KAT6A: variants seen among roughly 807,000 people sequenced by gnomAD.
The protein encoded by KAT6A is lysine acetyltransferase 6A.
A neutral mutation model predicts 198.4 loss-of-function variants in KAT6A; 9 were observed. The ratio of observed to expected loss-of-function variants is 0.05; its 90% CI spans 0.03 to 0.08. The LOEUF is 0.08. Ranked by LOEUF, KAT6A falls within the 10% of genes least tolerant of loss-of-function variation. The pLI is 1.00. For missense variants in KAT6A, 2,077 were observed against 2,509.9 expected (o/e 0.83, Z 3.69); for synonymous variants, 890 against 883.0 (o/e 1.01, Z -0.14).
At chr8:41,960,179 GT>G (rs913812974) in intron 8 of KAT6A, among the ~76,000 whole-genome samples, 1 of 152,092 alleles carries the variant, frequency 6.6e-6, no homozygotes, top group African/African-American at 2.4e-5. Context: ...TGTTTAATGG[GT>G]ACAGAGTTCC....
intron 2 of KAT6A, among the ~76,000 whole-genome samples, chr8:42,024,666 T>C (rs974592833): frequency 6.6e-6 from 1 of 152,096 alleles, no homozygotes; most frequent in Admixed American, 6.6e-5. Context: ...CTCCCACATA[T>C]AAGTGAGAAC....
intron 2 of KAT6A, among the ~76,000 whole-genome samples, chr8:41,999,024 A>G (rs1171089916): frequency 1.3e-5 from 2 of 152,174 alleles, no homozygotes; most frequent in African/African-American, 2.4e-5. Flanking sequence ...GACTTCTACA[A>G]TTAGACATCA....
chr8:42,041,261 T>C (rs531651292), intron 2 of KAT6A, among the ~76,000 whole-genome samples: 31 of 151,280 alleles, frequency 2.0e-4, no homozygotes, highest in African/African-American at 7.3e-4. Context: ...CAAACATATC[T>C]CTGAGTTATT....
chr8:42,008,430 T>C (rs903535074), intron 2 of KAT6A, among the ~76,000 whole-genome samples: 15 of 152,128 alleles, frequency 9.9e-5, no homozygotes, highest in Non-Finnish European at 2.2e-4. Context: ...CTCTGCCTCC[T>C]GGGTTCAAGC....
At position 41,934,735 on chromosome 8, in the gene KAT6A, T is replaced by A. The variant is rs1821764895; in HGVS notation, c.3485A>T (p.His1162Leu). ...WPKGKSRKPI[H>L]WKKRPGRKPG... ...TTTTCGACCAGGTCTTTTCTTCCAG[T>A]GGATTGGTTTGCGGCTCTTGCCTTT... Residue 1162 changes from histidine to leucine, a missense_variant, in exon 17 of 17, where the codon CAC becomes CTC. Transcript: ENST00000265713. 6.2e-7 allele frequency: 1 copy of A among 1,614,232 alleles called. No individual in the cohort carries two copies.
At chr8:42,038,910 T>C (rs1827506367) in intron 2 of KAT6A, among the ~76,000 whole-genome samples, 1 of 152,200 alleles carries the variant, frequency 6.6e-6, no homozygotes, top group Non-Finnish European at 1.5e-5. Context: ...TCTCTATGCT[T>C]AATTTCAACT....
At chr8:41,963,898 C>G (rs904981403) in intron 8 of KAT6A, among the ~76,000 whole-genome samples, 4 of 152,110 alleles carry the variant, frequency 2.6e-5, no homozygotes, top group African/African-American at 9.7e-5. Flanking sequence ...CGAGAATACA[C>G]GATTTCTCAC....
chr8:42,036,581 C>T (rs1003417083), intron 2 of KAT6A, among the ~76,000 whole-genome samples: 1 of 152,080 alleles, frequency 6.6e-6, no homozygotes, highest in Non-Finnish European at 1.5e-5. Flanking sequence ...CCACTGCACT[C>T]CAGCCTGGGT....
chr8:42,043,122 C>G (rs1827747078), intron 2 of KAT6A, among the ~76,000 whole-genome samples: 1 of 152,200 alleles, frequency 6.6e-6, no homozygotes, highest in Admixed American at 6.5e-5. Flanking sequence ...TTTTGTATCT[C>G]TATTCTGTCT....
chr8:41,935,241 T>C (rs1821789536), intron 16 of KAT6A, among the ~76,000 whole-genome samples: 1 of 152,236 alleles, frequency 6.6e-6, no homozygotes, highest in Non-Finnish European at 1.5e-5. Flanking sequence ...AGCAGTACTT[T>C]TATCAAGTTG....
chr8:41,970,405 G>C (rs767853814), intron 8 of KAT6A, among the ~76,000 whole-genome samples: 1 of 152,052 alleles, frequency 6.6e-6, no homozygotes, highest in African/African-American at 2.4e-5. Context: ...CTGTCTCCCC[G>C]AGCCTCAGCA....
intron 8 of KAT6A, among the ~76,000 whole-genome samples, chr8:41,963,582 C>T (rs1441873624): frequency 1.3e-5 from 2 of 152,182 alleles, no homozygotes; most frequent in Admixed American, 6.5e-5. Flanking sequence ...TTCATTTAGG[C>T]CCCAGTCACT....
intron 2 of KAT6A, among the ~76,000 whole-genome samples, chr8:41,999,077 A>T (rs965762592): frequency 2.0e-5 from 3 of 152,174 alleles, no homozygotes; most frequent in Admixed American, 2.0e-4. Flanking sequence ...TGGATCAGTA[A>T]TGATAAACTT....
rs146881556 is a variant in KAT6A at position 41,933,732 on chromosome 8, C to T, written c.4488G>A (p.Ser1496=). The stretch of plus-strand genomic sequence containing the variant: ...GGGCAGGCACGTTGGGACTGCTGAC[C>T]GAACGGACTGACTGGCTGGGGTGAG... ...VQSHPSQSVR[S]VSSPNVPALE... Residue 1496 remains serine, a synonymous_variant, in exon 17 of 17, where the codon TCG becomes TCA. Transcript: ENST00000265713. This position sits in a 1 kb window ranked among gnomAD's most constrained non-coding sequence, Gnocchi z 6.2. The T allele has an allele frequency of 3.7e-5, 60 of 1,613,924 alleles. No homozygotes were observed. The highest frequency in any genetic ancestry group is 2.5e-4 in the African/African-American group (19 of 74,860).
chr8:42,044,603 A>C (rs1006805989), intron 2 of KAT6A, among the ~76,000 whole-genome samples: 3 of 152,198 alleles, frequency 2.0e-5, no homozygotes, highest in African/African-American at 7.2e-5. Flanking sequence ...CCAAAAAAAA[A>C]CAAAAAGTTA....
chr8:41,981,176 G>A (rs1824339583), intron 4 of KAT6A, among the ~76,000 whole-genome samples: 1 of 152,120 alleles, frequency 6.6e-6, no homozygotes, highest in African/African-American at 2.4e-5. Flanking sequence ...AAATTAGACG[G>A]GCATGGTGGC....
chr8:42,035,435 A>G (rs371672395), intron 2 of KAT6A, among the ~76,000 whole-genome samples: 2 of 152,262 alleles, frequency 1.3e-5, no homozygotes, highest in East Asian at 1.9e-4. Flanking sequence ...TCATCAGTAA[A>G]GAACACAGAG....
Position 41,934,384 on chromosome 8 carries a change from A to G in KAT6A, c.3836T>C (p.Val1279Ala). 1 of 1,613,596 alleles carries G rather than the reference A, an allele frequency of 6.2e-7. No homozygotes were observed. The highest frequency in any genetic ancestry group is 1.1e-5 in the South Asian group (1 of 91,064). ...CTCTGACTGCCTCTGCTCCTCTGAGACACGGGGCTTCTCTTCTTCCTCCTC... is the reference window on the plus strand; with the variant it reads ...CTCTGACTGCCTCTGCTCCTCTGAGGCACGGGGCTTCTCTTCTTCCTCCTC... ...EVEEEEEKPR[V>A]SEEQRQSEEE... is the part of the protein sequence containing the mutation. Residue 1279 changes from valine (V) to alanine (A), a missense_variant, in exon 17 of 17, where the codon GTC becomes GCC. Physicochemically the swap from Val to Ala is moderately conservative, Grantham distance 64 (BLOSUM62 0). Coordinates refer to ENST00000265713, the MANE Select transcript of KAT6A (RefSeq NM_006766.5).
In KAT6A at chr8:41,933,033, T is replaced by C; in HGVS notation, c.5187A>G (p.Ile1729Met). ...EIPESGSTGNISIYERIPGDF... is the reference protein window; with the variant it reads ...EIPESGSTGNMSIYERIPGDF... Reference sequence around the variant, plus strand: ...CCCCTGGAATCCTCTCATAGATACTTATGTTCCCAGTGCTTCCAGATTCTG... The same window carrying C: ...CCCCTGGAATCCTCTCATAGATACTCATGTTCCCAGTGCTTCCAGATTCTG... The change falls in exon 17 of 17, where the codon ATA (isoleucine) becomes ATG (methionine). Residue 1729 changes from isoleucine (I) to methionine (M), a missense_variant. Transcript: ENST00000265713. The surrounding 1 kb of genome is among the most constrained non-coding windows in gnomAD (Gnocchi z 6.2). 1 of 1,613,856 alleles carries C rather than the reference T, an allele frequency of 6.2e-7. No individual in the cohort carries two copies. The highest frequency in any genetic ancestry group is 2.2e-5 in the East Asian group (1 of 44,866).
Sources: gnomAD v4.1 joint callset for allele counts (sites outside exome capture counted in the v4.1 genomes callset) on GRCh38, gnomAD v4.1.1 for gene constraint, Gnocchi (gnomAD v3.1) non-coding constraint, MANE v1.5 for transcripts, NCBI Gene and HGNC (gene_info 2026-07-23, HGNC 2026-07-21) for gene names.